GBE1: variants seen among roughly 807,000 people sequenced by gnomAD.
GBE1 encodes 1,4-alpha-glucan-branching enzyme.
A neutral mutation model predicts 88.8 loss-of-function variants in GBE1; 70 were observed. That is an observed-to-expected ratio of 0.79 (90% confidence interval 0.65 to 0.96). The LOEUF (loss-of-function observed/expected upper bound fraction) is 0.96, where lower values mean the gene tolerates loss of function less well. Ranked by LOEUF, GBE1 falls within the 40% of genes least tolerant of loss-of-function variation. The pLI is 0.00. For missense variants in GBE1, 872 were observed against 871.0 expected, an observed-to-expected ratio of 1.00 and a Z score of -0.01; for synonymous variants, 284 against 300.1, an observed-to-expected ratio of 0.95 and a Z score of 0.56.
chr3:81,679,536 C>A (rs1705308576), intron 2 of GBE1, among the ~76,000 whole-genome samples: 1 of 152,102 alleles, frequency 6.6e-6, no homozygotes, highest in African/African-American at 2.4e-5. Flanking sequence ...TACATATGGT[C>A]CTTGGGATAA....
chr3:81,614,326 G>A (rs1174043207), intron 7 of GBE1, among the ~76,000 whole-genome samples: 4 of 152,168 alleles, frequency 2.6e-5, no homozygotes, highest in South Asian at 2.1e-4. Flanking sequence ...TCTGAACTGC[G>A]AAATTGAAGA....
chr3:81,624,184 G>A (rs189501158), intron 7 of GBE1, among the ~76,000 whole-genome samples: 231 of 152,260 alleles, frequency 1.5e-3, no homozygotes, highest in African/African-American at 5.3e-3. Context: ...AGTCCCGAGC[G>A]AAGGAGGACA....
In GBE1 at chr3:81,750,672, T is replaced by TATATAC. The variant is rs1279745897; in HGVS notation, c.143+10702_143+10703insGTATAT. 4.8e-3 allele frequency among the ~76,000 whole-genome samples: 375 copies of TATATAC among 77,718 alleles called. 53 individuals are homozygous for TATATAC. Among genetic ancestry groups the TATATAC allele is most frequent in the African/African-American group, 0.031 (346 of 11,098 alleles). The allele number at this position is 77,718 out of a possible 152,430, so 51.0% of individuals were successfully genotyped here. ...ATATATATATATGTATATATATATA[T>TATATAC]ACGTATATATATATATATATATGTA... On this transcript the variant is annotated intron_variant, in intron 1 of 15. Coordinates refer to ENST00000429644, the MANE Select transcript of GBE1 (RefSeq NM_000158.4).
intron 7 of GBE1, among the ~76,000 whole-genome samples, chr3:81,627,404 G>A (rs1576175503): frequency 1.3e-5 from 2 of 152,206 alleles, no homozygotes; most frequent in East Asian, 1.9e-4. Flanking sequence ...TATTGGCTTC[G>A]TATAAAGGAG....
intron 7 of GBE1, among the ~76,000 whole-genome samples, chr3:81,621,172 C>A (rs1704327229): frequency 1.3e-5 from 2 of 152,250 alleles, no homozygotes; most frequent in South Asian, 4.2e-4. Flanking sequence ...GTCAAATTTG[C>A]ATTTTAGAAA....
At chr3:81,536,576 G>A (rs1703077742) in intron 13 of GBE1, among the ~76,000 whole-genome samples, 2 of 152,072 alleles carry the variant, frequency 1.3e-5, no homozygotes, top group South Asian at 2.1e-4. Flanking sequence ...ATAAAAAAGT[G>A]TTCCAAACAA....
At chr3:81,491,066 C>A (rs554883024) in intron 15 of GBE1, among the ~76,000 whole-genome samples, 1 of 152,168 alleles carries the variant, frequency 6.6e-6, no homozygotes, top group Non-Finnish European at 1.5e-5. Context: ...TCCTCACCCA[C>A]TACACTCCAG....
chr3:81,679,852 C>T (rs1278954411), intron 2 of GBE1, among the ~76,000 whole-genome samples: 2 of 152,144 alleles, frequency 1.3e-5, no homozygotes, highest in Non-Finnish European at 2.9e-5. Context: ...ATTTACCAAC[C>T]TATTTACTTG....
chr3:81,665,397 G>A (rs960499889), intron 3 of GBE1, among the ~76,000 whole-genome samples: 2 of 151,988 alleles, frequency 1.3e-5, no homozygotes, highest in South Asian at 2.1e-4. Context: ...TTAGCCGGGC[G>A]TGGTGGCGGG....
chr3:81,705,891 A>C (rs1318699234), intron 1 of GBE1, among the ~76,000 whole-genome samples: 2 of 152,136 alleles, frequency 1.3e-5, no homozygotes, highest in African/African-American at 2.4e-5. Context: ...GAATTTTTTT[A>C]AAAACTAGCA....
chr3:81,496,084 A>G (rs1228436090), intron 15 of GBE1, among the ~76,000 whole-genome samples: 3 of 152,234 alleles, frequency 2.0e-5, no homozygotes, highest in Non-Finnish European at 1.5e-5. Context: ...CCTCCAGTGC[A>G]CTGATTAACA....
rs1575782131 is a variant in GBE1 at position 81,761,440 on chromosome 3, G to A, written c.78C>T (p.Pro26=). The A allele has an allele frequency of 3.1e-6, 5 of 1,613,672 alleles. No individual in the cohort carries two copies. The highest frequency in any genetic ancestry group is 4.2e-6 in the Non-Finnish European group (5 of 1,179,700). ...CGATCTCCAGGAGTCTGGCCAGTTC[G>A]GGCACGTCAGCCAGGGCGGCATTGA... ...AALNAALADV[P]ELARLLEIDP... Residue 26 remains proline (P), a synonymous_variant, in exon 1 of 16, where the codon CCC becomes CCT. Transcript: ENST00000429644.
chr3:81,530,207 T>C (rs1476908920), intron 14 of GBE1, among the ~76,000 whole-genome samples: 1 of 151,994 alleles, frequency 6.6e-6, no homozygotes, highest in East Asian at 1.9e-4. Flanking sequence ...ATTCATCTGA[T>C]AGAATTCTAA....
chr3:81,665,249 G>C (rs528090570), intron 3 of GBE1, among the ~76,000 whole-genome samples: 2 of 152,110 alleles, frequency 1.3e-5, no homozygotes, highest in South Asian at 4.1e-4. Context: ...CATGAGATTT[G>C]TTGGCCGGGC....
At chr3:81,737,066 G>A (rs1441658014) in intron 1 of GBE1, among the ~76,000 whole-genome samples, 1 of 151,512 alleles carries the variant, frequency 6.6e-6, no homozygotes, top group East Asian at 1.9e-4. Context: ...AATTCAATAG[G>A]ACATAAATGA....
chr3:81,565,603 C>A (rs1047485204), intron 12 of GBE1, among the ~76,000 whole-genome samples: 1 of 152,036 alleles, frequency 6.6e-6, no homozygotes, highest in Admixed American at 6.6e-5. Context: ...ACAAAATTAT[C>A]AAATGTCAAA....
At chr3:81,576,900 A>G (rs1035782762) in intron 12 of GBE1, among the ~76,000 whole-genome samples, 2 of 152,102 alleles carry the variant, frequency 1.3e-5, no homozygotes, top group Non-Finnish European at 2.9e-5. Context: ...TCAATCTGAG[A>G]TTTCTTACAA....
At chr3:81,584,074 T>C (rs927350193) in intron 10 of GBE1, among the ~76,000 whole-genome samples, 1 of 152,084 alleles carries the variant, frequency 6.6e-6, no homozygotes, top group African/African-American at 2.4e-5. Flanking sequence ...ATGAGTTCAT[T>C]AGACACATAC....
rs996527477 is a variant in GBE1, at chr3:81,732,917, C to T, written c.144-27304G>A. Among the ~76,000 whole-genome samples the T allele has an allele frequency of 4.1e-4, 62 of 152,142 alleles. 1 individual carries two copies. The highest frequency in any genetic ancestry group is 3.2e-3 in the Middle Eastern group (1 of 316). On this transcript the variant is annotated intron_variant, in intron 1 of 15. Coordinates refer to ENST00000429644, the MANE Select transcript of GBE1 (RefSeq NM_000158.4). Reference sequence around the variant, plus strand: ...CTTCCTCCCTTATCTTTCTTAATGTCCTTTCTTACTGCTCTGTCCCTAGCT... The same window carrying T: ...CTTCCTCCCTTATCTTTCTTAATGTTCTTTCTTACTGCTCTGTCCCTAGCT...
Sources: allele counts gnomAD v4.1 joint callset (sites outside exome capture counted in the v4.1 genomes callset), GRCh38; gene constraint gnomAD v4.1.1; transcripts MANE v1.5; gene names NCBI Gene and HGNC (gene_info 2026-07-23, HGNC 2026-07-21).